The following RCOR3 variants were observed in gnomAD, a reference collection of about 807,000 sequenced individuals.
RCOR3 encodes the protein REST corepressor 3.
RCOR3 carries 13 observed loss-of-function variants against 64.1 expected under a neutral mutation model. The ratio of observed to expected loss-of-function variants is 0.20; its 90% confidence interval spans 0.13 to 0.32. The LOEUF (loss-of-function observed/expected upper bound fraction) is 0.32, where lower values mean the gene tolerates loss of function less well. Among genes scored for constraint, RCOR3 ranks in the 10% least tolerant of loss-of-function variants. The pLI is 1.00. For synonymous variants in RCOR3, 215 were observed against 239.0 expected (o/e 0.90, Z 0.93); for missense variants, 489 against 701.2 (o/e 0.70, Z 3.42).
At chr1:211,298,747 C>G (rs1441218233) in intron 9 of RCOR3, among the ~76,000 whole-genome samples, 1 of 152,172 alleles carries the variant, frequency 6.6e-6, no homozygotes, top group Non-Finnish European at 1.5e-5. Flanking sequence ...TGGCTCATGC[C>G]TGTAATCCCA....
rs1196587722 is a variant in RCOR3 at position 211,262,033 on chromosome 1, C to CT, written c.223+1891dup. ...GCCTCAGTATTCCTAGCTATAAAAA[C>CT]TTTTTTTTTTTTTTTTTTTTTTGAG... On this transcript the variant is annotated intron_variant, in intron 2 of 11. Coordinates refer to ENST00000419091, the MANE Select transcript of RCOR3 (RefSeq NM_001136223.3). Among the ~76,000 whole-genome samples, 54 of 65,512 alleles carry CT rather than the reference C, an allele frequency of 8.2e-4. 7 individuals carry two copies. Among genetic ancestry groups the CT allele is most frequent in the African/African-American group, 2.4e-3 (38 of 16,170 alleles). 43.0% of individuals were successfully genotyped at this position (65,512 alleles called of 152,430 possible).
rs1324430349 is a variant in RCOR3 at position 211,289,331 on chromosome 1, A to G, written c.874A>G (p.Ser292Gly). 2 of 1,614,032 alleles carry G rather than the reference A, an allele frequency of 1.2e-6. No homozygotes were observed. Among genetic ancestry groups the G allele is most frequent in the African/African-American group, 2.7e-5 (2 of 74,926 alleles). ...GGAAGATGTGGTAGCAGTTTCCTGT[A>G]GTCCCAATGCAGCCAACACCATCCT... is the stretch of plus-strand genomic sequence containing the variant. ...TQEDVVAVSC[S>G]PNAANTILRQ... Residue 292 changes from serine (S) to glycine (G), a missense_variant, in exon 8 of 12, where the codon AGT becomes GGT. By Grantham distance (56) the Ser-to-Gly change is moderately conservative. This residue lies in a region of RCOR3 where 402 missense variants were observed against 617.0 expected (regional missense o/e 0.65). Transcript: ENST00000419091.
chr1:211,309,537 C>T (rs1257495747), intron 10 of RCOR3, among the ~76,000 whole-genome samples: 1 of 152,102 alleles, frequency 6.6e-6, no homozygotes, highest in Non-Finnish European at 1.5e-5. Context: ...TGACTGAAAA[C>T]AATTTTTTTC....
At position 211,279,219 on chromosome 1, in the gene RCOR3, A is replaced by G. The variant is rs771893415; in HGVS notation, c.642-19A>G. Reference sequence around the variant, plus strand: ...AAAAAAAAAGGGAATTAAGTGTACTAATTTTTGTTTCTTCTCAGTGATGAT... The same window carrying G: ...AAAAAAAAAGGGAATTAAGTGTACTGATTTTTGTTTCTTCTCAGTGATGAT... On this transcript the variant is annotated intron_variant, in intron 6 of 11. Transcript: ENST00000419091. 117 of 1,535,230 alleles carry G rather than the reference A, an allele frequency of 7.6e-5. No individual in the cohort carries two copies. Among genetic ancestry groups the G allele is most frequent in the Non-Finnish European group, 9.8e-5 (110 of 1,124,848 alleles).
rs1464483921 is a variant in RCOR3, at chr1:211,278,178, C to G, written c.578C>G (p.Ser193Cys). ...KYYYSWKKTR[S>C]RTSLMDRQAR... ...TACTATTCTTGGAAAAAAACTCGCT[C>G]TAGGACAAGTTTGATGGATCGCCAG... Residue 193 changes from serine to cysteine, a missense_variant, in exon 6 of 12, where the codon TCT becomes TGT. By Grantham distance (112) the Ser-to-Cys change is moderately radical. Coordinates refer to ENST00000419091, the MANE Select transcript of RCOR3 (RefSeq NM_001136223.3). 1.9e-6 allele frequency: 3 copies of G among 1,611,400 alleles called. No homozygotes were observed. The highest frequency in any genetic ancestry group is 1.7e-6 in the Non-Finnish European group (2 of 1,179,310).
rs556703420 is a variant in RCOR3 at position 211,315,709 on chromosome 1, C to T, written c.*1941C>T. On this transcript the variant is annotated 3_prime_UTR_variant, in exon 12 of 12. Coordinates refer to ENST00000419091, the MANE Select transcript of RCOR3 (RefSeq NM_001136223.3). ...GATATGTCAGTCAAGTTGGTCAGCACCAGCATCTGTCCAGCTGTTCAGTAT... is the reference window on the plus strand; with the variant it reads ...GATATGTCAGTCAAGTTGGTCAGCATCAGCATCTGTCCAGCTGTTCAGTAT... 1 of 152,244 alleles carries T rather than the reference C, an allele frequency of 6.6e-6. No individual in the cohort carries two copies. The highest frequency in any genetic ancestry group is 2.1e-4 in the South Asian group (1 of 4,834). 9.4% of individuals were successfully genotyped at this position (152,244 alleles called of 1,614,324 possible). A position where few individuals can be genotyped will look rare whatever the true frequency, so the allele number is the denominator to read the frequency against.
At chr1:211,280,984 C>CA (rs57531814) in intron 7 of RCOR3, among the ~76,000 whole-genome samples, 6,867 of 113,942 alleles carry the variant, frequency 0.06, 339 homozygotes, top group African/African-American at 0.13. Context: ...AACTCCATCT[C>CA]AAAAAAAAAA....
intron 2 of RCOR3, among the ~76,000 whole-genome samples, chr1:211,265,410 T>C (rs983268759): frequency 1.3e-5 from 2 of 152,194 alleles, no homozygotes; most frequent in Non-Finnish European, 2.9e-5. Flanking sequence ...TATATAATTT[T>C]TTTTGTGCTT....
chr1:211,297,940 C>G (rs1700004039), intron 9 of RCOR3, among the ~76,000 whole-genome samples: 2 of 152,112 alleles, frequency 1.3e-5, no homozygotes, highest in Non-Finnish European at 2.9e-5. Context: ...TGAAGTAACT[C>G]TACTAAAAGT....
At chr1:211,272,528 AT>A (rs888456402) in intron 3 of RCOR3, among the ~76,000 whole-genome samples, 33 of 134,148 alleles carry the variant, frequency 2.5e-4, no homozygotes, top group Admixed American at 3.1e-4. Flanking sequence ...CACTTGGGGA[AT>A]TTTTTTTTTT....
intron 7 of RCOR3, among the ~76,000 whole-genome samples, chr1:211,284,154 C>T (rs918040238): frequency 2.0e-5 from 3 of 151,756 alleles, no homozygotes; most frequent in East Asian, 1.9e-4. Context: ...GCCGTGTTCA[C>T]GCCATTCTCC....
chr1:211,282,027 G>A (rs547986906), intron 7 of RCOR3, among the ~76,000 whole-genome samples: 9 of 152,066 alleles, frequency 5.9e-5, no homozygotes, highest in Admixed American at 1.3e-4. Flanking sequence ...GAAAACTTAA[G>A]AATTTGCTAC....
At chr1:211,272,324 GGT>G (rs1428418448) in intron 3 of RCOR3, among the ~76,000 whole-genome samples, 1 of 152,132 alleles carries the variant, frequency 6.6e-6, no homozygotes, top group Non-Finnish European at 1.5e-5. Context: ...TACAGACAAA[GGT>G]TTTCATTCAC....
chr1:211,263,126 G>C (rs1242687637), intron 2 of RCOR3, among the ~76,000 whole-genome samples: 2 of 146,438 alleles, frequency 1.4e-5, no homozygotes, highest in African/African-American at 5.0e-5. Flanking sequence ...TGCGGTGTTT[G>C]GTTTTTTGTC....
intron 10 of RCOR3, among the ~76,000 whole-genome samples, chr1:211,309,637 TCAA>T (rs1701288018): frequency 6.6e-6 from 1 of 152,196 alleles, no homozygotes. Flanking sequence ...CAACTATGGT[TCAA>T]GCATACCTTT....
rs576979809 is a variant in RCOR3 at position 211,259,480 on chromosome 1, C to G, written c.-81C>G. ...GTCTCCTCCTCCTCCTCCTTTCCCTCCCGCCCGCGCTCTAAGCCATCTCCG... is the reference window on the plus strand; with the variant it reads ...GTCTCCTCCTCCTCCTCCTTTCCCTGCCGCCCGCGCTCTAAGCCATCTCCG... On this transcript the variant is annotated 5_prime_UTR_variant, in exon 1 of 12. Coordinates refer to ENST00000419091, the MANE Select transcript of RCOR3 (RefSeq NM_001136223.3). 99 of 1,435,870 alleles carry G rather than the reference C, an allele frequency of 6.9e-5. No individual in the cohort carries two copies. The African/African-American group carries it at 1.3e-3, about 18-fold the overall frequency. The allele number at this position is 1,435,870 out of a possible 1,614,324, so 88.9% of individuals were successfully genotyped here.
At chr1:211,286,381 C>A (rs893852391) in intron 7 of RCOR3, among the ~76,000 whole-genome samples, 3 of 150,766 alleles carry the variant, frequency 2.0e-5, no homozygotes, top group African/African-American at 7.3e-5. Flanking sequence ...GATCTCGGCT[C>A]ACTGCAACCT....
chr1:211,272,424 T>C (rs1696330409), intron 3 of RCOR3, among the ~76,000 whole-genome samples: 1 of 152,134 alleles, frequency 6.6e-6, no homozygotes, highest in Non-Finnish European at 1.5e-5. Flanking sequence ...GAAAACAAAA[T>C]TCAGCCAGAG....
In RCOR3 at chr1:211,269,840, A is replaced by T. The variant is rs115307896; in HGVS notation, c.224-1392A>T. Among the ~76,000 whole-genome samples, 1,100 of 152,070 alleles carry T rather than the reference A, an allele frequency of 7.2e-3. 8 individuals are homozygous for T. Among genetic ancestry groups the T allele is most frequent in the Non-Finnish European group, 0.012 (783 of 67,984 alleles). ...CTAGGCTATAAAATATTAGAAATAA[A>T]TTAGAGGCTAGGTGTGGTGGCATGC... On this transcript the variant is annotated intron_variant, in intron 2 of 11. Transcript: ENST00000419091.
Sources: gnomAD v4.1 joint callset for allele counts (sites outside exome capture counted in the v4.1 genomes callset) on GRCh38, gnomAD v4.1.1 for gene constraint, gnomAD v4.1.1 regional missense constraint, MANE v1.5 for transcripts, NCBI Gene and HGNC (gene_info 2026-07-23, HGNC 2026-07-21) for gene names.